TOR1AIP2: variants seen among roughly 807,000 people sequenced by gnomAD.
TOR1AIP2 encodes torsin-1A-interacting protein 2.
TOR1AIP2 carries 20 observed loss-of-function variants against 32.6 expected under a neutral mutation model. That is an observed-to-expected ratio of 0.61 (90% CI 0.43 to 0.89). The LOEUF is 0.89. Ranked by LOEUF, TOR1AIP2 falls within the 40% of genes least tolerant of loss-of-function variation. TOR1AIP2 has a pLI of 0.00. For missense variants in TOR1AIP2, 456 were observed against 553.8 expected, an observed-to-expected ratio of 0.82 and a Z score of 1.77; for synonymous variants, 214 against 210.8, an observed-to-expected ratio of 1.02 and a Z score of -0.13.
Position 179,846,198 on chromosome 1 carries a change from G to C in TOR1AIP2, c.1286C>G (p.Ser429Cys), listed in dbSNP as rs538957607. The C allele has an allele frequency of 8.1e-6, 13 of 1,614,192 alleles. No homozygotes were observed. In the South Asian group the frequency reaches 1.2e-4, roughly 15 times the overall value. The change falls in exon 7 of 7, where the codon TCT (serine) becomes TGT (cysteine). Residue 429 changes from serine (S) to cysteine (C), a missense_variant. Transcript: ENST00000609928. ...GTGGTTGAAGGAGGTGGGAGTGTCA[G>C]AGTTGGTAAACTTGGCCCAGAGTAA... ...RDLLWAKFTN[S>C]DTPTSFNHMD...
chr1:179,864,346 T>A (rs1696679475), intron 3 of TOR1AIP2: 12 of 988,020 alleles, frequency 1.2e-5, no homozygotes, highest in Non-Finnish European at 1.4e-5. Flanking sequence ...AATTTCTTAT[T>A]AAAATTCACT....
rs528889300 is a variant in TOR1AIP2, at chr1:179,866,648, G to A, written c.-565-794C>T. The stretch of plus-strand genomic sequence containing the variant: ...TCGAACTCCCGACCTCAGGTGATCC[G>A]CCCACCTTGGTTTCCCAAAGTGCCG... On this transcript the variant is annotated intron_variant, in intron 2 of 6. Transcript: ENST00000609928. Among the ~76,000 whole-genome samples, 13 of 152,184 alleles carry A rather than the reference G, an allele frequency of 8.5e-5. No homozygotes were observed. The East Asian group carries it at 1.5e-3, about 18-fold the overall frequency.
intron 3 of TOR1AIP2, chr1:179,861,222 C>T: frequency 1.0e-6 from 1 of 985,352 alleles, no homozygotes; most frequent in South Asian, 4.7e-5. Context: ...GATAACCCTC[C>T]AGATCATTTG....
intron 2 of TOR1AIP2, among the ~76,000 whole-genome samples, chr1:179,870,354 G>A (rs973261672): frequency 1.4e-4 from 22 of 151,754 alleles, no homozygotes; most frequent in African/African-American, 1.2e-4. Context: ...AGCCAAGATC[G>A]CGCCACTGCA....
intron 5 of TOR1AIP2, among the ~76,000 whole-genome samples, chr1:179,848,851 C>T (rs993091722): frequency 9.2e-5 from 14 of 152,306 alleles, no homozygotes; most frequent in African/African-American, 3.4e-4. Flanking sequence ...ATGTAGCTGG[C>T]TGGGCGCAGT....
rs1491225016 is a variant in TOR1AIP2 at position 179,843,532 on chromosome 1, A to AAC, written c.*2538_*2539insGT. The AAC allele has an allele frequency of 6.7e-6, 1 of 150,342 alleles. No individual in the cohort carries two copies. The highest frequency in any genetic ancestry group is 2.5e-5 in the African/African-American group (1 of 40,424). 9.3% of individuals were successfully genotyped at this position (150,342 alleles called of 1,614,324 possible). A position where few individuals can be genotyped will look rare whatever the true frequency, so the allele number is the denominator to read the frequency against. ...TCTCAAAAAAAAAAAAAAAAAAAAA[A>AAC]GAAGTTTGGTTGGGTGCATTGGGTC... On this transcript the variant is annotated 3_prime_UTR_variant, in exon 7 of 7. Coordinates refer to ENST00000609928, the MANE Select transcript of TOR1AIP2 (RefSeq NM_001199260.2).
intron 2 of TOR1AIP2, among the ~76,000 whole-genome samples, chr1:179,866,792 T>C (rs1696802349): frequency 6.6e-6 from 1 of 152,238 alleles, no homozygotes; most frequent in Admixed American, 6.5e-5. Flanking sequence ...CCTGAGCTAT[T>C]CTTGGAAAAT....
At chr1:179,866,363 A>G (rs4310406) in intron 2 of TOR1AIP2, among the ~76,000 whole-genome samples, 12,650 of 151,988 alleles carry the variant, frequency 0.083, 683 homozygotes, top group East Asian at 0.14. Context: ...GTCAAAAATC[A>G]AGAGGGGCAA....
At position 179,842,659 on chromosome 1, in the gene TOR1AIP2, C is replaced by T. The variant is rs1460185916; in HGVS notation, c.*3412G>A. On this transcript the variant is annotated 3_prime_UTR_variant, in exon 7 of 7. Transcript: ENST00000609928. ...AGGTACCACATACAATATTGTATGC[C>T]CACAAATCATTTTTCTAAGTCAAAT... 6.6e-6 allele frequency: 1 copy of T among 151,962 alleles called. No individual in the cohort carries two copies. Among genetic ancestry groups the T allele is most frequent in the Non-Finnish European group, 1.5e-5 (1 of 68,006 alleles). 9.4% of individuals were successfully genotyped at this position (151,962 alleles called of 1,614,324 possible).
intron 3 of TOR1AIP2, chr1:179,864,374 A>G: frequency 1.0e-6 from 1 of 991,098 alleles, no homozygotes; most frequent in South Asian, 4.6e-5. Flanking sequence ...TCTAGGATCC[A>G]GCTATAACGA....
chr1:179,858,150 A>G (rs1696376734), intron 3 of TOR1AIP2, among the ~76,000 whole-genome samples: 2 of 151,694 alleles, frequency 1.3e-5, no homozygotes, highest in African/African-American at 2.4e-5. Flanking sequence ...GTCTCGGGGG[A>G]AAAAAACAAA....
rs554162479 is a variant in TOR1AIP2, at chr1:179,848,502, A to C, written c.554-866T>G. Among the ~76,000 whole-genome samples, 5 of 152,354 alleles carry C rather than the reference A, an allele frequency of 3.3e-5. No homozygotes were observed. The South Asian group carries it at 6.2e-4, about 19-fold the overall frequency. ...AATATAAGGTGAAGAAAATTCACGAAATATGTAAAAATCCAGATGTAGGGA... is the reference window on the plus strand; with the variant it reads ...AATATAAGGTGAAGAAAATTCACGACATATGTAAAAATCCAGATGTAGGGA... On this transcript the variant is annotated intron_variant, in intron 5 of 6. Coordinates refer to ENST00000609928, the MANE Select transcript of TOR1AIP2 (RefSeq NM_001199260.2).
intron 2 of TOR1AIP2, among the ~76,000 whole-genome samples, chr1:179,867,291 A>G (rs1422082158): frequency 6.6e-6 from 1 of 152,194 alleles, no homozygotes; most frequent in Non-Finnish European, 1.5e-5. Flanking sequence ...GTAACAATGT[A>G]CGGGTGAGGG....
chr1:179,870,265 G>A (rs1047066311), intron 2 of TOR1AIP2, among the ~76,000 whole-genome samples: 2 of 152,166 alleles, frequency 1.3e-5, no homozygotes, highest in Admixed American at 1.3e-4. Flanking sequence ...CAGCCGTGGT[G>A]GCGGGCGCCT....
intron 3 of TOR1AIP2, chr1:179,861,897 A>ACTAT: frequency 1.1e-6 from 1 of 936,548 alleles, no homozygotes; most frequent in Non-Finnish European, 1.3e-6. Context: ...CAGTGGTCTG[A>ACTAT]CTATCTTGCC....
chr1:179,866,402 T>A (rs1331285169), intron 2 of TOR1AIP2, among the ~76,000 whole-genome samples: 1 of 151,790 alleles, frequency 6.6e-6, no homozygotes, highest in Non-Finnish European at 1.5e-5. Flanking sequence ...TAGTTGTTTG[T>A]TATTCTTGTT....
chr1:179,850,824 T>G (rs756789076), intron 5 of TOR1AIP2, 21 bp downstream of exon 5: 2 of 1,604,558 alleles, frequency 1.2e-6, no homozygotes, highest in Admixed American at 3.4e-5. Flanking sequence ...AACAGGAGAG[T>G]AGTTCAGGGG....
chr1:179,852,664 ATGTT>A lies in TOR1AIP2; in HGVS notation c.-3_1del. ...AGGTTCCCTAAGTCCACTGTCGGCCATGTTTGTGTTCTATCTCTTCAGAGTTGGG... is the reference window on the plus strand; with the variant it reads ...AGGTTCCCTAAGTCCACTGTCGGCCATGTGTTCTATCTCTTCAGAGTTGGG... On this transcript the variant is annotated start_lost and start_retained_variant and 5_prime_UTR_variant, in exon 4 of 7. Coordinates refer to ENST00000609928, the MANE Select transcript of TOR1AIP2 (RefSeq NM_001199260.2). 3 of 1,614,020 alleles carry A rather than the reference ATGTT, an allele frequency of 1.9e-6. No homozygotes were observed. The East Asian group carries it at 6.7e-5, about 36-fold the overall frequency.
chr1:179,854,023 G>A (rs576295127), intron 3 of TOR1AIP2, among the ~76,000 whole-genome samples: 2 of 152,172 alleles, frequency 1.3e-5, no homozygotes, highest in South Asian at 4.1e-4. Context: ...AAAGTCCCCA[G>A]TCCTTTTTAA....
Sources: gnomAD v4.1 joint callset for allele counts (sites outside exome capture counted in the v4.1 genomes callset) on GRCh38, gnomAD v4.1.1 for gene constraint, MANE v1.5 for transcripts, NCBI Gene and HGNC (gene_info 2026-07-23, HGNC 2026-07-21) for gene names.